BCL11B: variants seen among roughly 807,000 people sequenced by gnomAD.
BCL11B encodes the protein BCL11 transcription factor B, also known as B-cell lymphoma/leukemia 11B.
BCL11B carries 8 observed loss-of-function variants against 49.9 expected under a neutral mutation model. The observed-to-expected ratio is 0.16, with a 90% confidence interval of 0.09 to 0.29. The LOEUF (loss-of-function observed/expected upper bound fraction) is 0.29. BCL11B is among the 10% of genes least tolerant of loss of function. The pLI is 1.00. For synonymous variants in BCL11B, 739 were observed against 637.4 expected (o/e 1.16, Z -2.40); for missense variants, 1,006 against 1,351.0 (o/e 0.74, Z 4.00).
intron 1 of BCL11B, among the ~76,000 whole-genome samples, chr14:99,263,506 T>C (rs1187722374): frequency 6.6e-6 from 1 of 152,194 alleles, no homozygotes; most frequent in Non-Finnish European, 1.5e-5. Flanking sequence ...GAAGAGGTTT[T>C]AGATGCAGGA....
At position 99,176,059 on chromosome 14, in the gene BCL11B, G is replaced by T. The variant is rs750930070; in HGVS notation, c.777C>A (p.Leu259=). ...GCGGCGGGATGGTGAGCCGCGGCGT[G>T]AGCGAGCTGCTGGCCGGCCCGGGCT... is the stretch of plus-strand genomic sequence containing the variant. ...YLEPGPASSS[L]TPRLTIPPPL... Residue 259 remains leucine, a synonymous_variant, in exon 4 of 4, where the codon CTC becomes CTA. Transcript: ENST00000357195. The T allele has an allele frequency of 1.2e-6, 2 of 1,601,638 alleles. No homozygotes were observed. Among genetic ancestry groups the T allele is most frequent in the African/African-American group, 1.3e-5 (1 of 74,174 alleles).
Position 99,195,474 on chromosome 14 carries a change from T to A in BCL11B, c.641-19279A>T, listed in dbSNP as rs1887153198. Among the ~76,000 whole-genome samples the A allele has an allele frequency of 1.3e-5, 2 of 152,130 alleles. No individual in the cohort carries two copies. The highest frequency in any genetic ancestry group is 4.8e-5 in the African/African-American group (2 of 41,424). On this transcript the variant is annotated intron_variant, in intron 3 of 3. Coordinates refer to ENST00000357195, the MANE Select transcript of BCL11B (RefSeq NM_138576.4). This position sits in a 1 kb window ranked among gnomAD's most constrained non-coding sequence, Gnocchi z 4.7. ...CACACCACAGTCCCCCAAGCCAGGA[T>A]ACTGCACTGGGCTTTGCACCCCCAA... is the stretch of plus-strand genomic sequence containing the variant.
chr14:99,235,435 CA>C (rs894484380), intron 2 of BCL11B, among the ~76,000 whole-genome samples: 16 of 152,178 alleles, frequency 1.1e-4, no homozygotes, highest in Non-Finnish European at 2.9e-5. Context: ...CATGCCAAGA[CA>C]TTAATTCTCA....
At chr14:99,198,782 T>C (rs1595237840) in intron 3 of BCL11B, among the ~76,000 whole-genome samples, 1 of 152,154 alleles carries the variant, frequency 6.6e-6, no homozygotes, top group Non-Finnish European at 1.5e-5. Context: ...AGAATACCTG[T>C]TCCACCCCAC....
chr14:99,265,110 G>A (rs1889444145), intron 1 of BCL11B, among the ~76,000 whole-genome samples: 1 of 152,172 alleles, frequency 6.6e-6, no homozygotes, highest in African/African-American at 2.4e-5. Context: ...TCAAAAGAGT[G>A]CCGCAAAGTG....
chr14:99,237,076 G>A (rs1225089397), intron 2 of BCL11B, among the ~76,000 whole-genome samples: 5 of 151,342 alleles, frequency 3.3e-5, no homozygotes, highest in Admixed American at 3.3e-4. Context: ...TGTGGGGGGT[G>A]TAGAGGGGGA....
chr14:99,235,453 G>A (rs962492432), intron 2 of BCL11B, among the ~76,000 whole-genome samples: 2 of 152,060 alleles, frequency 1.3e-5, no homozygotes, highest in African/African-American at 4.8e-5. Context: ...CTCACAAGTC[G>A]GAGAAAATTA....
intron 3 of BCL11B, among the ~76,000 whole-genome samples, chr14:99,220,854 TA>T (rs1024639730): frequency 9.2e-5 from 14 of 152,274 alleles, no homozygotes; most frequent in South Asian, 6.2e-4. Context: ...TTATTTTATT[TA>T]TTTTTTTTAT....
At position 99,241,501 on chromosome 14, in the gene BCL11B, T is replaced by A. The variant is rs1888670602; in HGVS notation, c.428-9944A>T. ...GAAAAAAAAAAATCTTCGCACCACA[T>A]CACCAAAATGGCAGAAAAATTAAGT... On this transcript the variant is annotated intron_variant, in intron 2 of 3. Transcript: ENST00000357195. This position sits in a 1 kb window ranked among gnomAD's most constrained non-coding sequence, Gnocchi z 4.4. Among the ~76,000 whole-genome samples the A allele has an allele frequency of 6.6e-6, 1 of 151,702 alleles. No individual in the cohort carries two copies. The highest frequency in any genetic ancestry group is 1.5e-5 in the Non-Finnish European group (1 of 67,936).
rs566865857 is a variant in BCL11B at position 99,205,358 on chromosome 14, G to A, written c.640+25987C>T. 1.6e-4 allele frequency among the ~76,000 whole-genome samples: 24 copies of A among 152,282 alleles called. No individual in the cohort carries two copies. The highest frequency in any genetic ancestry group is 5.8e-4 in the African/African-American group (24 of 41,562). ...GCCCAGGCCAGCAGGGCCAGTGGAG[G>A]ATTCGCATTCACTCTGGTGCTCCAC... is the stretch of plus-strand genomic sequence containing the variant. On this transcript the variant is annotated intron_variant, in intron 3 of 3. Transcript: ENST00000357195. This position sits in a 1 kb window ranked among gnomAD's most constrained non-coding sequence, Gnocchi z 5.0.
At chr14:99,223,428 T>A (rs1339026754) in intron 3 of BCL11B, among the ~76,000 whole-genome samples, 1 of 152,198 alleles carries the variant, frequency 6.6e-6, no homozygotes, top group Non-Finnish European at 1.5e-5. Context: ...CAGAATTGCT[T>A]AGACACACAT....
In BCL11B at chr14:99,206,961, G is replaced by A. The variant is rs1401295554; in HGVS notation, c.640+24384C>T. On this transcript the variant is annotated intron_variant, in intron 3 of 3. Coordinates refer to ENST00000357195, the MANE Select transcript of BCL11B (RefSeq NM_138576.4). ...TGGTATTTATCATAGATAAAGGCCC[G>A]GTCTTATCTAAAAAACCATGGGATG... 3.9e-5 allele frequency among the ~76,000 whole-genome samples: 6 copies of A among 152,110 alleles called. No individual in the cohort carries two copies. The South Asian group carries it at 6.2e-4, about 16-fold the overall frequency.
At chr14:99,187,085 G>A (rs1886874070) in intron 3 of BCL11B, among the ~76,000 whole-genome samples, 1 of 152,190 alleles carries the variant, frequency 6.6e-6, no homozygotes, top group South Asian at 2.1e-4. Context: ...GCATGCACCC[G>A]AGATTTCCCA....
At position 99,241,456 on chromosome 14, in the gene BCL11B, C is replaced by G. The variant is rs1207946146; in HGVS notation, c.428-9899G>C. Reference sequence around the variant, plus strand: ...CAGGAGGCCTCAGAGACTAAACAGACACAAAACCCAAAAGAAAAAGAAAAA... The same window carrying G: ...CAGGAGGCCTCAGAGACTAAACAGAGACAAAACCCAAAAGAAAAAGAAAAA... On this transcript the variant is annotated intron_variant, in intron 2 of 3. Transcript: ENST00000357195. The surrounding 1 kb of genome is among the most constrained non-coding windows in gnomAD (Gnocchi z 4.4). Among the ~76,000 whole-genome samples the G allele has an allele frequency of 2.0e-5, 3 of 151,252 alleles. No individual in the cohort carries two copies. Among genetic ancestry groups the G allele is most frequent in the Admixed American group, 6.6e-5 (1 of 15,176 alleles).
chr14:99,175,952 G>A lies in BCL11B; in HGVS notation c.884C>T (p.Thr295Met). Residue 295 changes from threonine to methionine, a missense_variant, in exon 4 of 4, where the codon ACG becomes ATG. By Grantham distance (81) the Thr-to-Met change is moderately conservative. Around this residue, in one of 6 missense-constraint regions of BCL11B, gnomAD observed 411 missense variants for 542.2 expected, o/e 0.76. Transcript: ENST00000357195. ...CGGGTGGTCCCGCAGGATGGGGCCC[G>A]TCATGCGCAGCAGGTTGAAGGGGTT... ...DSNPFNLLRM[T>M]GPILRDHPGF... The A allele has an allele frequency of 6.8e-7, 1 of 1,465,256 alleles. No homozygotes were observed. Among genetic ancestry groups the A allele is most frequent in the Non-Finnish European group, 9.0e-7 (1 of 1,108,746 alleles). 90.8% of individuals were successfully genotyped at this position (1,465,256 alleles called of 1,614,324 possible).
chr14:99,186,350 G>A (rs754836029), intron 3 of BCL11B, among the ~76,000 whole-genome samples: 6 of 152,174 alleles, frequency 3.9e-5, no homozygotes, highest in Non-Finnish European at 5.9e-5. Context: ...GTGAAACCTC[G>A]TCTCTACTAA....
chr14:99,236,776 G>A (rs573295209), intron 2 of BCL11B, among the ~76,000 whole-genome samples: 4 of 152,258 alleles, frequency 2.6e-5, no homozygotes, highest in East Asian at 1.9e-4. Flanking sequence ...GAGGAAAAGC[G>A]CCCTCCACCC....
chr14:99,169,624 A>G lies in BCL11B; in HGVS notation c.*4527T>C, dbSNP rs764579756. The G allele has an allele frequency of 2.8e-5, 6 of 211,194 alleles. No homozygotes were observed. The highest frequency in any genetic ancestry group is 5.8e-5 in the Non-Finnish European group (6 of 103,882). The allele number at this position is 211,194 out of a possible 1,614,324, so 13.1% of individuals were successfully genotyped here. ...CAAGTAAACAACAAAAGCTCATACA[A>G]TAAGTAATAGAAAAGGTAATAAAAA... is the stretch of plus-strand genomic sequence containing the variant. On this transcript the variant is annotated 3_prime_UTR_variant, in exon 4 of 4. Coordinates refer to ENST00000357195, the MANE Select transcript of BCL11B (RefSeq NM_138576.4).
chr14:99,269,524 C>CCCG (rs1555385251), intron 1 of BCL11B, among the ~76,000 whole-genome samples: 2 of 150,490 alleles, frequency 1.3e-5, no homozygotes, highest in Non-Finnish European at 3.0e-5. Flanking sequence ...TTCCCCCCCC[C>CCCG]CCAAAAAAAA....
Sources: allele counts gnomAD v4.1 joint callset (sites outside exome capture counted in the v4.1 genomes callset), GRCh38; gene constraint gnomAD v4.1.1; regional missense constraint gnomAD v4.1.1; non-coding constraint Gnocchi (gnomAD v3.1); transcripts MANE v1.5; gene names NCBI Gene and HGNC (gene_info 2026-07-23, HGNC 2026-07-21).